COMMD6: variants seen among roughly 807,000 people sequenced by gnomAD.
COMMD6 encodes the protein COMM domain-containing protein 6.
In COMMD6, 11 loss-of-function variants were observed where a neutral mutation model predicts 13.4. The observed-to-expected ratio is 0.82, with a 90% CI of 0.52 to 1.36. The LOEUF (loss-of-function observed/expected upper bound fraction) is 1.36, where lower values mean the gene tolerates loss of function less well. Ranked by LOEUF, COMMD6 falls within the 40% of genes most tolerant of loss-of-function variation. The pLI, the probability that COMMD6 is intolerant of heterozygous loss-of-function variation, is 0.00. For missense variants in COMMD6, 124 were observed against 102.4 expected (o/e 1.21, Z -0.91); for synonymous variants, 43 against 36.5 (o/e 1.18, Z -0.64).
chr13:75,542,804 G>C (rs755694348), upstream of COMMD6, among the ~76,000 whole-genome samples: 126 of 152,190 alleles, frequency 8.3e-4, no homozygotes, highest in Non-Finnish European at 1.6e-3. Context: ...GTGTTAGAGT[G>C]ATAGATTCCA....
chr13:75,536,315 T>A (rs1229502949), intron 2 of COMMD6, among the ~76,000 whole-genome samples: 3 of 152,242 alleles, frequency 2.0e-5, no homozygotes, highest in Non-Finnish European at 4.4e-5. Flanking sequence ...GATCTTGGCT[T>A]TTCCTATGCA....
rs753611181 is a variant in COMMD6 at position 75,537,774 on chromosome 13, G to C, written c.32C>G (p.Ala11Gly). 4 of 1,612,014 alleles carry C rather than the reference G, an allele frequency of 2.5e-6. No individual in the cohort carries two copies. The South Asian group carries it at 3.3e-5, about 13-fold the overall frequency. MEASSEPPLDAKSDVTNQLVD... is the reference protein window; with the variant it reads MEASSEPPLDGKSDVTNQLVD... Reference sequence around the variant, plus strand: ...CAGGTTGGAACTCACATCGGACTTAGCATCCAGCGGCGGCTCGCTGGACGC... The same window carrying C: ...CAGGTTGGAACTCACATCGGACTTACCATCCAGCGGCGGCTCGCTGGACGC... The change falls in exon 1 of 4, where the codon GCT becomes GGT. Residue 11 changes from alanine to glycine, a missense_variant. By Grantham distance (60) the Ala-to-Gly change is moderately conservative (BLOSUM62 0). Transcript: ENST00000682242.
At chr13:75,540,336 A>ACACACCCC (rs1293124519), upstream of COMMD6, among the ~76,000 whole-genome samples, 3 of 94,464 alleles carry the variant, frequency 3.2e-5, no homozygotes, top group Admixed American at 2.6e-4. Flanking sequence ...ACACACACAC[A>ACACACCCC]CACACACCCA....
In COMMD6 at chr13:75,529,295, T is replaced by C. The variant is rs193161407; in HGVS notation, c.207+819A>G. Among the ~76,000 whole-genome samples, 33 of 152,128 alleles carry C rather than the reference T, an allele frequency of 2.2e-4. No homozygotes were observed. In the East Asian group the frequency reaches 5.4e-3, roughly 25 times the overall value. On this transcript the variant is annotated intron_variant, in intron 3 of 3. Coordinates refer to ENST00000682242, the MANE Select transcript of COMMD6 (RefSeq NM_203495.4). ...TGGCACTTTGGGAGGCCAAGGTGGG[T>C]GGATCACAAGGTCAGGAGATCGAGA... is the stretch of plus-strand genomic sequence containing the variant.
At chr13:75,537,597 G>C (rs2030719233) in intron 2 of COMMD6, 67 bp downstream of exon 2, 2 of 1,612,290 alleles carry the variant, frequency 1.2e-6, no homozygotes, top group Non-Finnish European at 1.7e-6. Flanking sequence ...AAGGCTCAGG[G>C]TGGCACGGCC....
chr13:75,527,869 A>G (rs1346553869), intron 3 of COMMD6: 2 of 1,498,732 alleles, frequency 1.3e-6, no homozygotes, highest in Non-Finnish European at 1.8e-6. Flanking sequence ...TCAATGGGGA[A>G]ATGTTAGTAA....
At chr13:75,529,394 G>A (rs1252025214) in intron 3 of COMMD6, among the ~76,000 whole-genome samples, 3 of 152,024 alleles carry the variant, frequency 2.0e-5, no homozygotes, top group South Asian at 2.1e-4. Flanking sequence ...GGTGGTGGGC[G>A]CCTGTAGTCC....
intron 1 of COMMD6, among the ~76,000 whole-genome samples, chr13:75,545,798 A>G (rs1017756692): frequency 6.6e-6 from 1 of 152,032 alleles, no homozygotes; most frequent in Non-Finnish European, 1.5e-5. Flanking sequence ...GTGATAGTTA[A>G]TCAGGGTAGT....
chr13:75,538,322 G>A (rs182229315), upstream of COMMD6, among the ~76,000 whole-genome samples: 12 of 152,348 alleles, frequency 7.9e-5, no homozygotes, highest in African/African-American at 2.6e-4. Context: ...TTGAATCCCA[G>A]CCCTCAGTCT....
intron 2 of COMMD6, among the ~76,000 whole-genome samples, chr13:75,537,070 C>T (rs192114495): frequency 2.0e-4 from 31 of 152,308 alleles, no homozygotes; most frequent in East Asian, 7.7e-4. Context: ...CCCTTTCTTA[C>T]ATTTTGTATG....
chr13:75,530,317 T>C, intron 2 of COMMD6, 51 bp from the exon 3 acceptor site: 1 of 1,454,224 alleles, frequency 6.9e-7, no homozygotes, highest in Non-Finnish European at 9.4e-7. Flanking sequence ...TTACCTGGAA[T>C]GCAGATATTT....
At chr13:75,540,344 C>CCACA (rs59520333), upstream of COMMD6, among the ~76,000 whole-genome samples, 7,536 of 147,028 alleles carry the variant, frequency 0.051, 220 homozygotes, top group South Asian at 0.091. Flanking sequence ...ACACACACAC[C>CCACA]CACACACACA....
At chr13:75,542,025 G>C (rs575094334), upstream of COMMD6, among the ~76,000 whole-genome samples, 23 of 152,296 alleles carry the variant, frequency 1.5e-4, no homozygotes, top group Admixed American at 6.5e-5. Context: ...GAAAAATGAG[G>C]ATGATTACAT....
intron 2 of COMMD6, among the ~76,000 whole-genome samples, chr13:75,535,167 C>T (rs1301872767): frequency 6.6e-6 from 1 of 152,082 alleles, no homozygotes. Context: ...AAAGAGCATT[C>T]TGGACTGAGG....
At chr13:75,532,589 T>A (rs919877876) in intron 2 of COMMD6, among the ~76,000 whole-genome samples, 4 of 152,166 alleles carry the variant, frequency 2.6e-5, no homozygotes, top group African/African-American at 7.2e-5. Context: ...CCCAGCACTT[T>A]GGGAGGCCGA....
chr13:75,545,465 C>G (rs1427428675), intron 1 of COMMD6, among the ~76,000 whole-genome samples: 2 of 151,746 alleles, frequency 1.3e-5, no homozygotes, highest in South Asian at 2.1e-4. Context: ...GTTTCTTTTT[C>G]TTTTTCTCTT....
At chr13:75,538,627 A>T (rs1461638857), upstream of COMMD6, 1 of 152,208 alleles carries the variant, frequency 6.6e-6, no homozygotes, top group Non-Finnish European at 1.5e-5. Context: ...GCATTCTTCT[A>T]AATAACCACA....
intron 1 of COMMD6, among the ~76,000 whole-genome samples, chr13:75,546,661 T>C (rs930926924): frequency 6.6e-6 from 1 of 152,210 alleles, no homozygotes; most frequent in African/African-American, 2.4e-5. Flanking sequence ...ATCAAAATTA[T>C]ACTGTCAATG....
chr13:75,529,387 G>C (rs562935775), intron 3 of COMMD6, among the ~76,000 whole-genome samples: 2 of 152,088 alleles, frequency 1.3e-5, no homozygotes, highest in East Asian at 1.9e-4. Flanking sequence ...CAGGCATGGT[G>C]GTGGGCGCCT....
Sources: allele counts gnomAD v4.1 joint callset (sites outside exome capture counted in the v4.1 genomes callset), GRCh38; gene constraint gnomAD v4.1.1; transcripts MANE v1.5; gene names NCBI Gene and HGNC (gene_info 2026-07-23, HGNC 2026-07-21).